NOS1: variants seen among roughly 807,000 people sequenced by gnomAD.
NOS1 encodes NOS type I.
A neutral mutation model predicts 164.5 loss-of-function variants in NOS1; 51 were observed. The observed-to-expected ratio is 0.31, with a 90% confidence interval of 0.25 to 0.39. The LOEUF (loss-of-function observed/expected upper bound fraction) is 0.39, where lower values mean the gene tolerates loss of function less well. Among genes scored for constraint, NOS1 ranks in the 10% least tolerant of loss-of-function variants. The probability of loss-of-function intolerance (pLI) is 1.00; values close to 1 mark genes in which losing one functional copy is unlikely to be tolerated. For synonymous variants in NOS1, 719 were observed against 745.8 expected, an observed-to-expected ratio of 0.96 and a Z score of 0.59; for missense variants, 1,362 against 1,885.6, an observed-to-expected ratio of 0.72 and a Z score of 5.14.
rs891203744 is a variant in NOS1 at position 117,330,060 on chromosome 12, T to C, written c.725+285A>G. Among the ~76,000 whole-genome samples, 19 of 152,164 alleles carry C rather than the reference T, an allele frequency of 1.2e-4. No homozygotes were observed. The highest frequency in any genetic ancestry group is 4.3e-4 in the African/African-American group (18 of 41,432). The stretch of plus-strand genomic sequence containing the variant: ...TGCAAGTAAGTTTCCTGGAGGATTA[T>C]AGGGGATAAAGATGAGAAGACACAC... On this transcript the variant is annotated intron_variant, in intron 2 of 28. Transcript: ENST00000317775. This position sits in a 1 kb window ranked among gnomAD's most constrained non-coding sequence, Gnocchi z 4.6.
At chr12:117,348,142 G>A (rs3814246) in intron 1 of NOS1, 17,749 of 151,434 alleles carry the variant, frequency 0.12, 1,097 homozygotes, top group Non-Finnish European at 0.13. Flanking sequence ...TCGACACTGC[G>A]GGACACATCC....
intron 20 of NOS1, among the ~76,000 whole-genome samples, chr12:117,237,411 G>A (rs1367381031): frequency 6.6e-6 from 1 of 152,048 alleles, no homozygotes; most frequent in African/African-American, 2.4e-5. Flanking sequence ...GATTACAGGT[G>A]TGAGCCACCA....
chr12:117,281,741 A>G lies in NOS1; in HGVS notation c.1383-875T>C, dbSNP rs148686338. On this transcript the variant is annotated intron_variant, in intron 7 of 28. Coordinates refer to ENST00000317775, the MANE Select transcript of NOS1 (RefSeq NM_000620.5). ...CCCAGCTACTCGGGAGGCTGAGGAG[A>G]ATCGCTTGAACTCGGGAGGTAGAGG... Among the ~76,000 whole-genome samples, 409 of 151,124 alleles carry G rather than the reference A, an allele frequency of 2.7e-3. 4 individuals are homozygous for G. Among genetic ancestry groups the G allele is most frequent in the African/African-American group, 9.2e-3 (379 of 41,080 alleles).
chr12:117,220,461 G>T (rs1421875922), intron 26 of NOS1, among the ~76,000 whole-genome samples, 192 bp from the exon 27 acceptor site: 1 of 152,168 alleles, frequency 6.6e-6, no homozygotes, highest in Non-Finnish European at 1.5e-5. Flanking sequence ...TCAATTGGAG[G>T]GTGCGGGAAT....
rs1168975589 is a variant in NOS1, at chr12:117,210,507, C to T, written c.*4802G>A. The T allele has an allele frequency of 3.0e-6, 3 of 985,296 alleles. No individual in the cohort carries two copies. Among genetic ancestry groups the T allele is most frequent in the East Asian group, 1.1e-4 (1 of 8,828 alleles). 61.0% of individuals were successfully genotyped at this position (985,296 alleles called of 1,614,324 possible). A position where few individuals can be genotyped will look rare whatever the true frequency, so the allele number is the denominator to read the frequency against. On this transcript the variant is annotated 3_prime_UTR_variant, in exon 29 of 29. Transcript: ENST00000317775. ...GCGGGTAGGGAAATATACAAGGAAACATGGCTGGTTTAAAACACAGGCTAG... is the reference window on the plus strand; with the variant it reads ...GCGGGTAGGGAAATATACAAGGAAATATGGCTGGTTTAAAACACAGGCTAG...
At position 117,265,430 on chromosome 12, in the gene NOS1, C is replaced by A. The variant is rs774784633; in HGVS notation, c.2022G>T (p.Arg674=). ...ACACCCAGTCGGCAGGGCAGCCCCC[C>A]CGGCAGCGGTACTCATTCTCCATGT... ...IKHMENEYRC[R]GGCPADWVWI... The change falls in exon 12 of 29, where the codon CGG becomes CGT. Residue 674 remains arginine, a synonymous_variant. Transcript: ENST00000317775. 6.3e-7 allele frequency: 1 copy of A among 1,591,478 alleles called. No homozygotes were observed. The highest frequency in any genetic ancestry group is 1.2e-5 in the South Asian group (1 of 85,058).
At chr12:117,236,577 C>A (rs1300305065) in intron 20 of NOS1, among the ~76,000 whole-genome samples, 1 of 152,180 alleles carries the variant, frequency 6.6e-6, no homozygotes, top group Non-Finnish European at 1.5e-5. Flanking sequence ...CTTCTCAGAG[C>A]TCACACCAGT....
At chr12:117,288,534 C>T (rs1390090809) in intron 4 of NOS1, among the ~76,000 whole-genome samples, 1 of 152,144 alleles carries the variant, frequency 6.6e-6, no homozygotes, top group Admixed American at 6.5e-5. Context: ...CAAGGAGGAA[C>T]TAATAGAGTG....
In NOS1 at chr12:117,208,372, A is replaced by T. The variant is rs1592910428; in HGVS notation, c.*6937T>A. The T allele has an allele frequency of 8.4e-7, 1 of 1,185,386 alleles. No individual in the cohort carries two copies. Among genetic ancestry groups the T allele is most frequent in the African/African-American group, 2.8e-5 (1 of 36,228 alleles). The allele number at this position is 1,185,386 out of a possible 1,614,324, so 73.4% of individuals were successfully genotyped here. A position where few individuals can be genotyped will look rare whatever the true frequency, so the allele number is the denominator to read the frequency against. On this transcript the variant is annotated 3_prime_UTR_variant, in exon 29 of 29. Coordinates refer to ENST00000317775, the MANE Select transcript of NOS1 (RefSeq NM_000620.5). Reference sequence around the variant, plus strand: ...CATTGAGAGCTCAGAGGTAGGGGGGACGGCCGAGTTTCTGACAGCGTGTGT... The same window carrying T: ...CATTGAGAGCTCAGAGGTAGGGGGGTCGGCCGAGTTTCTGACAGCGTGTGT...
intron 3 of NOS1, among the ~76,000 whole-genome samples, chr12:117,292,038 A>G (rs1873098791): frequency 6.6e-6 from 1 of 152,224 alleles, no homozygotes; most frequent in Non-Finnish European, 1.5e-5. Context: ...ATCAGTGCAC[A>G]GTGACCTTGA....
At position 117,215,236 on chromosome 12, in the gene NOS1, G is replaced by T. The variant is rs1263820035; in HGVS notation, c.*73C>A. 4.9e-6 allele frequency: 7 copies of T among 1,428,416 alleles called. No homozygotes were observed. The highest frequency in any genetic ancestry group is 1.4e-5 in the African/African-American group (1 of 69,462). 88.5% of individuals were successfully genotyped at this position (1,428,416 alleles called of 1,614,324 possible). A position where few individuals can be genotyped will look rare whatever the true frequency, so the allele number is the denominator to read the frequency against. On this transcript the variant is annotated 3_prime_UTR_variant, in exon 29 of 29. Coordinates refer to ENST00000317775, the MANE Select transcript of NOS1 (RefSeq NM_000620.5). ...GGAGGCAGAGCGAGGGCCACAGGGG[G>T]TCCCAGAGGAAAGGTTCAGCAGTGT... is the stretch of plus-strand genomic sequence containing the variant.
Position 117,272,107 on chromosome 12 carries a change from T to C in NOS1, c.1839+278A>G, listed in dbSNP as rs1479997426. 2.6e-5 allele frequency among the ~76,000 whole-genome samples: 4 copies of C among 152,156 alleles called. No individual in the cohort carries two copies. Among genetic ancestry groups the C allele is most frequent in the Non-Finnish European group, 4.4e-5 (3 of 68,024 alleles). On this transcript the variant is annotated intron_variant, in intron 10 of 28. Transcript: ENST00000317775. This position sits in a 1 kb window ranked among gnomAD's most constrained non-coding sequence, Gnocchi z 4.3. ...TCTGTCGAAGGGGGATTCTCATACC[T>C]CAAGGTTCAGGTGAGGATGAAATGA...
At chr12:117,301,965 G>T in intron 3 of NOS1, 1 of 456,702 alleles carries the variant, frequency 2.2e-6, no homozygotes, top group South Asian at 1.5e-5. Context: ...GCCCTGTAGA[G>T]TGGGCTCAGG....
rs1372522699 is a variant in NOS1 at position 117,208,501 on chromosome 12, C to T, written c.*6808G>A. On this transcript the variant is annotated 3_prime_UTR_variant, in exon 29 of 29. Transcript: ENST00000317775. Reference sequence around the variant, plus strand: ...CACTGCGACGTGGGGTGCCCGGCACCGCTCTTTGGGCCTTCTGGAAAACCA... The same window carrying T: ...CACTGCGACGTGGGGTGCCCGGCACTGCTCTTTGGGCCTTCTGGAAAACCA... The T allele has an allele frequency of 5.6e-6, 7 of 1,243,600 alleles. No individual in the cohort carries two copies. The highest frequency in any genetic ancestry group is 5.8e-5 in the East Asian group (1 of 17,348). The allele number at this position is 1,243,600 out of a possible 1,614,324, so 77.0% of individuals were successfully genotyped here.
chr12:117,271,796 A>G (rs889957295), intron 10 of NOS1, among the ~76,000 whole-genome samples: 5 of 152,220 alleles, frequency 3.3e-5, no homozygotes, highest in Non-Finnish European at 7.3e-5. Context: ...TTCAGGAAGC[A>G]CCGCTCCAGC....
chr12:117,291,263 A>G (rs1382236943), intron 3 of NOS1, among the ~76,000 whole-genome samples: 1 of 152,164 alleles, frequency 6.6e-6, no homozygotes, highest in East Asian at 1.9e-4. Flanking sequence ...AATGTGAAGC[A>G]AAGAATATTG....
chr12:117,270,551 C>T (rs1477735324), intron 10 of NOS1, among the ~76,000 whole-genome samples: 1 of 151,916 alleles, frequency 6.6e-6, no homozygotes, highest in African/African-American at 2.4e-5. Context: ...GGAAAGTATA[C>T]ACACACAGAG....
chr12:117,232,215 G>A, intron 21 of NOS1, 84 bp from the exon 22 acceptor site: 1 of 1,294,398 alleles, frequency 7.7e-7, no homozygotes, highest in South Asian at 1.3e-5. Context: ...CTGGAGCAGA[G>A]GATGGGGCCA....
At chr12:117,359,854 C>A (rs1877032479) in intron 1 of NOS1, among the ~76,000 whole-genome samples, 1 of 112,644 alleles carries the variant, frequency 8.9e-6, no homozygotes, top group Non-Finnish European at 1.7e-5. Flanking sequence ...AGATCCGGTC[C>A]CAGAGCATTA....
Sources: allele counts gnomAD v4.1 joint callset (sites outside exome capture counted in the v4.1 genomes callset), GRCh38; gene constraint gnomAD v4.1.1; non-coding constraint Gnocchi (gnomAD v3.1); transcripts MANE v1.5; gene names NCBI Gene and HGNC (gene_info 2026-07-23, HGNC 2026-07-21).